Variants in MTMR9 observed in about 807,000 individuals in gnomAD.
The protein encoded by MTMR9 is myotubularin-related protein 9.
MTMR9 carries 39 observed loss-of-function variants against 69.5 expected under a neutral mutation model. The observed-to-expected ratio is 0.56, with a 90% CI of 0.43 to 0.73. The LOEUF is 0.73. MTMR9 is among the 30% of genes least tolerant of loss of function. The pLI is 0.00. For missense variants in MTMR9, 900 were observed against 671.2 expected, an observed-to-expected ratio of 1.34 and a Z score of -3.77; for synonymous variants, 354 against 240.8, an observed-to-expected ratio of 1.47 and a Z score of -4.35.
chr8:11,321,421 G>A lies in MTMR9; in HGVS notation c.1487-1204G>A, dbSNP rs559218154. 9.7e-4 allele frequency: 444 copies of A among 456,402 alleles called. 1 individual carries two copies. Among genetic ancestry groups the A allele is most frequent in the Non-Finnish European group, 1.2e-3 (266 of 226,978 alleles). The allele number at this position is 456,402 out of a possible 1,614,324, so 28.3% of individuals were successfully genotyped here. A position where few individuals can be genotyped will look rare whatever the true frequency, so the allele number is the denominator to read the frequency against. ...GTCACATTTAATAACTGAAATGAGCGTAGCTGTTTGGGAGAAAACCCACAT... is the reference window on the plus strand; with the variant it reads ...GTCACATTTAATAACTGAAATGAGCATAGCTGTTTGGGAGAAAACCCACAT... On this transcript the variant is annotated intron_variant, in intron 9 of 9. Coordinates refer to ENST00000221086, the MANE Select transcript of MTMR9 (RefSeq NM_015458.4).
chr8:11,305,060 G>A, intron 4 of MTMR9, 46 bp downstream of exon 4: 1 of 1,570,598 alleles, frequency 6.4e-7, no homozygotes, highest in South Asian at 1.1e-5. Flanking sequence ...GGCTTGGGTT[G>A]GGGATCTTTT....
chr8:11,304,657 C>A (rs1799873918), intron 3 of MTMR9, among the ~76,000 whole-genome samples, 184 bp from the exon 4 acceptor site: 1 of 152,100 alleles, frequency 6.6e-6, no homozygotes, highest in African/African-American at 2.4e-5. Flanking sequence ...GGAAGCTGGC[C>A]CTGAACCATA....
intron 2 of MTMR9, chr8:11,298,726 C>T (rs561337242): frequency 3.3e-6 from 3 of 912,264 alleles, no homozygotes; most frequent in Non-Finnish European, 3.9e-6. Flanking sequence ...CTGCACCCCC[C>T]CCCCGCCATC....
chr8:11,318,265 G>C (rs1056900990), intron 8 of MTMR9: 1 of 152,352 alleles, frequency 6.6e-6, no homozygotes, highest in Non-Finnish European at 1.5e-5. Flanking sequence ...CTCAGCCAGA[G>C]CAAGTTCAGT....
At chr8:11,329,823 A>C (rs574296683), downstream of MTMR9, among the ~76,000 whole-genome samples, 69 of 148,784 alleles carry the variant, frequency 4.6e-4, no homozygotes, top group African/African-American at 1.6e-3. Context: ...CAGTCTGGGA[A>C]GTGAGGAGCG....
intron 3 of MTMR9, among the ~76,000 whole-genome samples, chr8:11,301,583 C>T (rs895222752): frequency 6.6e-6 from 1 of 152,286 alleles, no homozygotes; most frequent in South Asian, 2.1e-4. Flanking sequence ...ATCTTTATGA[C>T]CTTCAGTTAG....
chr8:11,284,868 T>C lies in MTMR9; in HGVS notation c.-21T>C, dbSNP rs1307708526. On this transcript the variant is annotated 5_prime_UTR_variant, in exon 1 of 10. Coordinates refer to ENST00000221086, the MANE Select transcript of MTMR9 (RefSeq NM_015458.4). ...CTCGCACCTACCGGGCTCGGTTCCC[T>C]GGCTCCGGCCGCGGGGGAGCATGGA... 2 of 1,533,756 alleles carry C rather than the reference T, an allele frequency of 1.3e-6. No individual in the cohort carries two copies. The highest frequency in any genetic ancestry group is 1.7e-6 in the Non-Finnish European group (2 of 1,149,876).
chr8:11,306,108 T>G (rs1011951356), intron 4 of MTMR9, 82 bp from the exon 5 acceptor site: 3 of 1,214,748 alleles, frequency 2.5e-6, no homozygotes, highest in African/African-American at 3.0e-5. Context: ...TTTGAGATAC[T>G]CTTAATCTAG....
chr8:11,302,623 T>TA (rs1563273110), intron 3 of MTMR9, among the ~76,000 whole-genome samples: 1 of 151,956 alleles, frequency 6.6e-6, no homozygotes, highest in African/African-American at 2.4e-5. Flanking sequence ...ACCAAAAACA[T>TA]AAAAAAAGCA....
chr8:11,337,852 G>T, the MTMR9 span, among the ~76,000 whole-genome samples: 2 of 152,180 alleles, frequency 1.3e-5, no homozygotes, highest in Non-Finnish European at 2.9e-5. Context: ...TGTCACTCTT[G>T]AGGTTGAGTC....
At chr8:11,289,876 A>G (rs1799318567) in intron 1 of MTMR9, among the ~76,000 whole-genome samples, 1 of 152,216 alleles carries the variant, frequency 6.6e-6, no homozygotes, top group South Asian at 2.1e-4. Context: ...CTTCCTTAAC[A>G]GACCTTTTAG....
intron 1 of MTMR9, among the ~76,000 whole-genome samples, chr8:11,292,620 A>AT (rs752990197): frequency 6.6e-6 from 1 of 151,968 alleles, no homozygotes; most frequent in Non-Finnish European, 1.5e-5. Context: ...TCATATGCTT[A>AT]TTTGCCATCC....
Position 11,295,188 on chromosome 8 carries a change from T to A in MTMR9, c.183-6T>A, listed in dbSNP as rs1799506991. The stretch of plus-strand genomic sequence containing the variant: ...GTTCCTAAACATGATTTGCAATTTC[T>A]TACAGATTTGTAGGATCACTGGGTA... On this transcript the variant is annotated splice_polypyrimidine_tract_variant and splice_region_variant and intron_variant, in intron 1 of 9. Transcript: ENST00000221086. The A allele has an allele frequency of 6.6e-7, 1 of 1,526,428 alleles. No individual in the cohort carries two copies. The highest frequency in any genetic ancestry group is 1.4e-5 in the African/African-American group (1 of 72,726). 94.6% of individuals were successfully genotyped at this position (1,526,428 alleles called of 1,614,324 possible).
chr8:11,303,343 A>G (rs760997247), intron 3 of MTMR9, among the ~76,000 whole-genome samples: 13 of 151,700 alleles, frequency 8.6e-5, no homozygotes, highest in Non-Finnish European at 1.9e-4. Flanking sequence ...ATAATAATAT[A>G]TCATAGTGAA....
chr8:11,309,635 T>A lies in MTMR9; in HGVS notation c.918T>A (p.Thr306=). The change falls in exon 6 of 10, where the codon ACT becomes ACA. Residue 306 remains threonine (T), a synonymous_variant. Coordinates refer to ENST00000221086, the MANE Select transcript of MTMR9 (RefSeq NM_015458.4). Reference sequence around the variant, plus strand: ...AATTGGAGGCCTCTAACTGGCTGACTCACATCAAAGAGATTCTGACAACTG... The same window carrying A: ...AATTGGAGGCCTCTAACTGGCTGACACACATCAAAGAGATTCTGACAACTG... ...LSKLEASNWL[T]HIKEILTTAC... 6.2e-7 allele frequency: 1 copy of A among 1,613,976 alleles called. No homozygotes were observed.
rs937345621 is a variant in MTMR9, at chr8:11,328,005, C to T, written c.*5217C>T. The T allele has an allele frequency of 6.6e-6, 1 of 152,104 alleles. No homozygotes were observed. The highest frequency in any genetic ancestry group is 2.4e-5 in the African/African-American group (1 of 41,416). 9.4% of individuals were successfully genotyped at this position (152,104 alleles called of 1,614,324 possible). ...TTACTGAATCAAGAAAGAGTCTTGT[C>T]GAATGTGGTACTGTTCTTAGTGTGT... On this transcript the variant is annotated 3_prime_UTR_variant, in exon 10 of 10. Transcript: ENST00000221086.
At position 11,314,890 on chromosome 8, in the gene MTMR9, C is replaced by A. The variant is rs370164391; in HGVS notation, c.972-33C>A. 18 of 1,603,504 alleles carry A rather than the reference C, an allele frequency of 1.1e-5. No individual in the cohort carries two copies. In the African/African-American group the frequency reaches 2.3e-4, roughly 20 times the overall value. Reference sequence around the variant, plus strand: ...AGTTCATTGACCATGTTGGACATTTCCCATTTGTACTCTTCCCTGATTTTC... The same window carrying A: ...AGTTCATTGACCATGTTGGACATTTACCATTTGTACTCTTCCCTGATTTTC... On this transcript the variant is annotated intron_variant, in intron 6 of 9. Transcript: ENST00000221086.
chr8:11,290,241 A>G (rs901875896), intron 1 of MTMR9, among the ~76,000 whole-genome samples: 1 of 152,152 alleles, frequency 6.6e-6, no homozygotes, highest in African/African-American at 2.4e-5. Context: ...TGAGCAGTAT[A>G]CTTAAAATTT....
chr8:11,322,348 G>T (rs750872036), intron 9 of MTMR9, among the ~76,000 whole-genome samples: 5 of 152,138 alleles, frequency 3.3e-5, no homozygotes, highest in Non-Finnish European at 5.9e-5. Context: ...TCATAAAATG[G>T]TATTTGGATC....
Sources: gnomAD v4.1 joint callset for allele counts (sites outside exome capture counted in the v4.1 genomes callset) on GRCh38, gnomAD v4.1.1 for gene constraint, MANE v1.5 for transcripts, NCBI Gene and HGNC (gene_info 2026-07-23, HGNC 2026-07-21) for gene names.